Variants in TDRD3 observed in about 807,000 individuals in gnomAD.
TDRD3 encodes the protein tudor domain-containing protein 3.
TDRD3 carries 45 observed loss-of-function variants against 86.7 expected under a neutral mutation model. The observed-to-expected ratio is 0.52, with a 90% CI of 0.41 to 0.67. The LOEUF is 0.67. Ranked by LOEUF, TDRD3 falls within the 30% of genes least tolerant of loss-of-function variation. TDRD3 has a pLI of 0.00. For synonymous variants in TDRD3, 298 were observed against 301.7 expected (o/e 0.99, Z 0.13); for missense variants, 814 against 889.0 (o/e 0.92, Z 1.07).
intron 12 of TDRD3, among the ~76,000 whole-genome samples, chr13:60,546,290 T>G (rs560768421): frequency 1.1e-4 from 17 of 152,180 alleles, no homozygotes; most frequent in Non-Finnish European, 2.1e-4. Context: ...CCATTTATGT[T>G]GTATTCTTTA....
At chr13:60,396,731 C>T (rs1040424536), upstream of TDRD3, 6 of 152,324 alleles carry the variant, frequency 3.9e-5, no homozygotes, top group Non-Finnish European at 5.9e-5. Flanking sequence ...CTCAAAAAAG[C>T]TTGAGCTGCA....
intron 4 of TDRD3, among the ~76,000 whole-genome samples, chr13:60,462,630 C>T (rs1044977813): frequency 6.6e-6 from 1 of 152,116 alleles, no homozygotes; most frequent in Admixed American, 6.6e-5. Context: ...GTGCTTGTTT[C>T]TACTTTTCTG....
In TDRD3 at chr13:60,528,832, G is replaced by A. The variant is rs1296151212; in HGVS notation, c.1607G>A (p.Arg536Lys). Reference sequence around the variant, plus strand: ...TATAATAATCAAAAACGTGGAAAAAGAGAAAGCCAAACATCTATTCCTGAT... The same window carrying A: ...TATAATAATCAAAAACGTGGAAAAAAAGAAAGCCAAACATCTATTCCTGAT... ...VDYNNQKRGK[R>K]ESQTSIPDYF... The change falls in exon 11 of 14, where the codon AGA (arginine) becomes AAA (lysine). Residue 536 changes from arginine (R) to lysine (K), a missense_variant. Coordinates refer to ENST00000377881, the MANE Select transcript of TDRD3 (RefSeq NM_001146070.2). 1.9e-6 allele frequency: 3 copies of A among 1,613,618 alleles called. No homozygotes were observed. Among genetic ancestry groups the A allele is most frequent in the African/African-American group, 2.7e-5 (2 of 74,918 alleles).
chr13:60,545,480 T>C (rs139537183), intron 12 of TDRD3, among the ~76,000 whole-genome samples: 4 of 152,280 alleles, frequency 2.6e-5, no homozygotes, highest in African/African-American at 7.2e-5. Context: ...TAGAAGTCAG[T>C]TTAATTTTAG....
At chr13:60,452,975 T>G (rs1322772547) in intron 3 of TDRD3, among the ~76,000 whole-genome samples, 6 of 152,160 alleles carry the variant, frequency 3.9e-5, no homozygotes, top group Admixed American at 2.6e-4. Context: ...GTTGTTATTG[T>G]ATTTTTAGTT....
chr13:60,549,880 A>G (rs1958009857), intron 12 of TDRD3, among the ~76,000 whole-genome samples: 1 of 151,992 alleles, frequency 6.6e-6, no homozygotes, highest in Non-Finnish European at 1.5e-5. Flanking sequence ...GTCCACTACT[A>G]GCTGTGGAAT....
At chr13:60,439,592 G>A (rs1035018879) in intron 1 of TDRD3, 96 bp from the exon 2 acceptor site, 10 of 811,512 alleles carry the variant, frequency 1.2e-5, no homozygotes, top group Non-Finnish European at 2.0e-5. Context: ...TGTAGCAGAA[G>A]CACTTTATAG....
At chr13:60,414,303 G>A (rs1954439616) in intron 1 of TDRD3, among the ~76,000 whole-genome samples, 1 of 152,056 alleles carries the variant, frequency 6.6e-6, no homozygotes, top group African/African-American at 2.4e-5. Flanking sequence ...AATCTGGCCT[G>A]CTACCAGTTT....
intron 12 of TDRD3, among the ~76,000 whole-genome samples, chr13:60,554,345 A>C (rs1430154884): frequency 6.6e-6 from 1 of 152,208 alleles, no homozygotes; most frequent in Admixed American, 6.5e-5. Context: ...TAGCTTATCA[A>C]CACTGTTAGA....
At chr13:60,423,862 C>T (rs190445498) in intron 1 of TDRD3, among the ~76,000 whole-genome samples, 16 of 150,984 alleles carry the variant, frequency 1.1e-4, no homozygotes, top group East Asian at 3.9e-4. Context: ...AAATTTTCAG[C>T]GAAACTAAAA....
At chr13:60,447,759 T>C (rs1955438338) in intron 3 of TDRD3, among the ~76,000 whole-genome samples, 1 of 152,164 alleles carries the variant, frequency 6.6e-6, no homozygotes, top group African/African-American at 2.4e-5. Context: ...CCATCTGATA[T>C]TACCATTTCT....
intron 1 of TDRD3, among the ~76,000 whole-genome samples, chr13:60,426,515 C>A (rs147092923): frequency 7.2e-5 from 11 of 152,268 alleles, no homozygotes; most frequent in African/African-American, 2.4e-4. Flanking sequence ...CCTGTAACAT[C>A]ATGTTGTAAA....
At chr13:60,428,695 C>T (rs764315589) in intron 1 of TDRD3, among the ~76,000 whole-genome samples, 5 of 152,142 alleles carry the variant, frequency 3.3e-5, no homozygotes, top group Non-Finnish European at 7.4e-5. Context: ...CATACGTCCT[C>T]GTGCATCCTG....
intron 5 of TDRD3, among the ~76,000 whole-genome samples, chr13:60,482,905 A>G (rs781702867): frequency 2.0e-5 from 3 of 151,954 alleles, no homozygotes; most frequent in Non-Finnish European, 4.4e-5. Context: ...AGTGATAACA[A>G]TTAAAATGCA....
chr13:60,454,421 C>T (rs1045788252), intron 3 of TDRD3, among the ~76,000 whole-genome samples: 6 of 152,072 alleles, frequency 3.9e-5, no homozygotes, highest in South Asian at 4.2e-4. Context: ...TCTCAATCTT[C>T]GTAGCTTGTT....
At chr13:60,539,585 A>G (rs1463619065) in intron 12 of TDRD3, among the ~76,000 whole-genome samples, 2 of 151,834 alleles carry the variant, frequency 1.3e-5, no homozygotes, top group Middle Eastern at 6.8e-3. Flanking sequence ...TATGATAATT[A>G]TATATATTTT....
intron 1 of TDRD3, among the ~76,000 whole-genome samples, chr13:60,408,982 G>A (rs1375670349): frequency 1.3e-5 from 2 of 152,160 alleles, no homozygotes; most frequent in Admixed American, 6.5e-5. Flanking sequence ...CGTGGGCTGG[G>A]CCCAGGGTCC....
At chr13:60,415,188 C>G (rs1483150436) in intron 1 of TDRD3, among the ~76,000 whole-genome samples, 4 of 151,874 alleles carry the variant, frequency 2.6e-5, no homozygotes, top group African/African-American at 9.7e-5. Context: ...GCATGAAGGG[C>G]CTAATGAGAT....
chr13:60,538,679 T>C (rs1957748400), intron 12 of TDRD3, among the ~76,000 whole-genome samples: 1 of 152,162 alleles, frequency 6.6e-6, no homozygotes, highest in African/African-American at 2.4e-5. Flanking sequence ...GAAAACCTGC[T>C]ACTTGTGTTT....
Sources: gnomAD v4.1 joint callset for allele counts (sites outside exome capture counted in the v4.1 genomes callset) on GRCh38, gnomAD v4.1.1 for gene constraint, MANE v1.5 for transcripts, NCBI Gene and HGNC (gene_info 2026-07-23, HGNC 2026-07-21) for gene names.